KCMF1: variants seen among roughly 807,000 people sequenced by gnomAD.
The protein encoded by KCMF1 is potassium channel modulatory factor 1, also known as E3 ubiquitin-protein ligase KCMF1.
Under a neutral mutation model 41.1 loss-of-function variants are expected in KCMF1, and 3 were observed. The observed-to-expected ratio is 0.07, with a 90% CI of 0.03 to 0.19. KCMF1 has a LOEUF of 0.19. KCMF1 is among the 10% of genes least tolerant of loss of function. The pLI is 1.00. For missense variants in KCMF1, 286 were observed against 488.9 expected (o/e 0.58, Z 3.91); for synonymous variants, 142 against 164.5 (o/e 0.86, Z 1.04).
intron 1 of KCMF1, among the ~76,000 whole-genome samples, chr2:84,989,031 A>G (rs1245064415): frequency 2.0e-5 from 3 of 152,234 alleles, no homozygotes; most frequent in Non-Finnish European, 2.9e-5. Flanking sequence ...TTAAAAATGT[A>G]AAAACCATTC....
intron 1 of KCMF1, among the ~76,000 whole-genome samples, chr2:84,991,340 A>G (rs942122963): frequency 6.6e-6 from 1 of 152,206 alleles, no homozygotes; most frequent in Non-Finnish European, 1.5e-5. Context: ...TAGATGTTCA[A>G]GTGGAGATGT....
At chr2:84,979,340 T>G (rs1673641730) in intron 1 of KCMF1, among the ~76,000 whole-genome samples, 1 of 151,944 alleles carries the variant, frequency 6.6e-6, no homozygotes. Flanking sequence ...CTGGCCAACA[T>G]AGTGAAACCC....
At chr2:85,037,278 A>G (rs997142305) in intron 3 of KCMF1, among the ~76,000 whole-genome samples, 2 of 152,120 alleles carry the variant, frequency 1.3e-5, no homozygotes, top group Non-Finnish European at 2.9e-5. Context: ...ATATGTTCCC[A>G]CCCATACACC....
At chr2:84,982,438 G>C (rs1347856204) in intron 1 of KCMF1, among the ~76,000 whole-genome samples, 1 of 71,426 alleles carries the variant, frequency 1.4e-5, no homozygotes, top group African/African-American at 5.6e-5. Context: ...AGTCTTACTT[G>C]TCGCCCAGGC....
chr2:84,972,499 T>C (rs1033611032), intron 1 of KCMF1, among the ~76,000 whole-genome samples: 4 of 152,236 alleles, frequency 2.6e-5, no homozygotes, highest in African/African-American at 9.6e-5. Context: ...TAAAAAGTGT[T>C]AAGAGTCTTG....
chr2:84,971,296 G>T lies in KCMF1; in HGVS notation c.-156G>T. 5.3e-6 allele frequency: 1 copy of T among 187,934 alleles called. No individual in the cohort carries two copies. Among genetic ancestry groups the T allele is most frequent in the Non-Finnish European group, 9.7e-6 (1 of 102,830 alleles). The allele number at this position is 187,934 out of a possible 1,614,324, so 11.6% of individuals were successfully genotyped here. On this transcript the variant is annotated 5_prime_UTR_variant, in exon 1 of 7. Coordinates refer to ENST00000409785, the MANE Select transcript of KCMF1 (RefSeq NM_020122.5). ...CCGCCTCCCCGCCGCCGCCGCCGCCGCCGCCGCGGGAGCGCTCCCCTGCCC... is the reference window on the plus strand; with the variant it reads ...CCGCCTCCCCGCCGCCGCCGCCGCCTCCGCCGCGGGAGCGCTCCCCTGCCC...
intron 1 of KCMF1, among the ~76,000 whole-genome samples, chr2:85,019,609 A>G (rs1295801997): frequency 5.3e-5 from 8 of 152,156 alleles, no homozygotes; most frequent in Non-Finnish European, 1.2e-4. Flanking sequence ...TATTCATAGT[A>G]TGCTAATCAC....
intron 3 of KCMF1, among the ~76,000 whole-genome samples, chr2:85,039,826 T>C (rs1026803899): frequency 2.4e-4 from 37 of 152,162 alleles, no homozygotes; most frequent in African/African-American, 8.7e-4. Flanking sequence ...TCCTTTTTTT[T>C]TGGAGACAGA....
At chr2:84,996,875 G>A (rs1006537120) in intron 1 of KCMF1, among the ~76,000 whole-genome samples, 1 of 152,150 alleles carries the variant, frequency 6.6e-6, no homozygotes, top group Non-Finnish European at 1.5e-5. Context: ...GTCATTGTGT[G>A]AACATCATAG....
intron 1 of KCMF1, among the ~76,000 whole-genome samples, chr2:84,992,856 G>C (rs1478443921): frequency 6.6e-6 from 1 of 152,094 alleles, no homozygotes; most frequent in Non-Finnish European, 1.5e-5. Flanking sequence ...TCCTGACCTT[G>C]TGATCCGCCC....
At chr2:84,992,932 G>A (rs1674079148) in intron 1 of KCMF1, among the ~76,000 whole-genome samples, 1 of 152,128 alleles carries the variant, frequency 6.6e-6, no homozygotes, top group Non-Finnish European at 1.5e-5. Flanking sequence ...GCTGGGCTCA[G>A]TGTATAATCC....
rs543899629 is a variant in KCMF1 at position 85,018,918 on chromosome 2, G to A, written c.17-8971G>A. On this transcript the variant is annotated intron_variant, in intron 1 of 6. Coordinates refer to ENST00000409785, the MANE Select transcript of KCMF1 (RefSeq NM_020122.5). ...CTCCCAGCTAATTCTTGTATTTTTA[G>A]TAGAGATGGGATTTCACCATGTTGA... Among the ~76,000 whole-genome samples, 5 of 142,898 alleles carry A rather than the reference G, an allele frequency of 3.5e-5. No homozygotes were observed. The East Asian group carries it at 1.1e-3, about 33-fold the overall frequency. 93.7% of individuals were successfully genotyped at this position (142,898 alleles called of 152,430 possible).
chr2:85,010,962 G>A (rs1674636945), intron 1 of KCMF1, among the ~76,000 whole-genome samples: 1 of 151,358 alleles, frequency 6.6e-6, no homozygotes, highest in African/African-American at 2.4e-5. Context: ...TTCTTCCTCA[G>A]CCTCCCGAGT....
At chr2:84,999,035 C>T (rs1232760378) in intron 1 of KCMF1, among the ~76,000 whole-genome samples, 2 of 134,116 alleles carry the variant, frequency 1.5e-5, no homozygotes, top group East Asian at 2.3e-4. Flanking sequence ...TCCATCCACC[C>T]ACCCATCCAT....
In KCMF1 at chr2:85,008,376, ATATAT is replaced by A. The variant is rs1458874538; in HGVS notation, c.17-19507_17-19503del. 4.7e-4 allele frequency among the ~76,000 whole-genome samples: 46 copies of A among 98,664 alleles called. 2 individuals carry two copies. The highest frequency in any genetic ancestry group is 1.8e-3 in the African/African-American group (42 of 22,782). 64.7% of individuals were successfully genotyped at this position (98,664 alleles called of 152,430 possible). The stretch of plus-strand genomic sequence containing the variant: ...TATAATATATATTATATATCATATG[ATATAT>A]TATATATGATATATATTATATATCA... On this transcript the variant is annotated intron_variant, in intron 1 of 6. Coordinates refer to ENST00000409785, the MANE Select transcript of KCMF1 (RefSeq NM_020122.5).
intron 1 of KCMF1, among the ~76,000 whole-genome samples, chr2:85,016,682 T>C (rs527744405): frequency 1.3e-5 from 2 of 151,998 alleles, no homozygotes; most frequent in Non-Finnish European, 2.9e-5. Flanking sequence ...GAGTTACTTA[T>C]ACTATAGTTT....
chr2:85,005,559 G>A (rs1401240828), intron 1 of KCMF1, among the ~76,000 whole-genome samples: 4 of 151,874 alleles, frequency 2.6e-5, no homozygotes, highest in Non-Finnish European at 4.4e-5. Context: ...CAAAGTGCTG[G>A]GATTACAGGC....
intron 1 of KCMF1, among the ~76,000 whole-genome samples, chr2:85,009,843 C>T (rs748484440): frequency 1.6e-4 from 24 of 152,190 alleles, no homozygotes; most frequent in Non-Finnish European, 1.8e-4. Flanking sequence ...GAAGAAGCAA[C>T]TTAGAAATTT....
rs981734442 is a variant in KCMF1, at chr2:85,058,734, G to T, written c.*5325G>T. The T allele has an allele frequency of 6.6e-6, 1 of 152,190 alleles. No individual in the cohort carries two copies. Among genetic ancestry groups the T allele is most frequent in the Non-Finnish European group, 1.5e-5 (1 of 68,028 alleles). 9.4% of individuals were successfully genotyped at this position (152,190 alleles called of 1,614,324 possible). A position where few individuals can be genotyped will look rare whatever the true frequency, so the allele number is the denominator to read the frequency against. On this transcript the variant is annotated 3_prime_UTR_variant, in exon 7 of 7. Coordinates refer to ENST00000409785, the MANE Select transcript of KCMF1 (RefSeq NM_020122.5). ...CTTACACAATTGAAACGTTTTCAAA[G>T]GTCATCAAGCCGGTTGCGTTTGGTC...
Sources: allele counts gnomAD v4.1 joint callset (sites outside exome capture counted in the v4.1 genomes callset), GRCh38; gene constraint gnomAD v4.1.1; transcripts MANE v1.5; gene names NCBI Gene and HGNC (gene_info 2026-07-23, HGNC 2026-07-21).